Variants in CLVS1 observed in about 807,000 individuals in gnomAD.
The protein encoded by CLVS1 is clavesin-1.
In CLVS1, 10 loss-of-function variants were observed where a neutral mutation model predicts 33.1. The observed-to-expected ratio is 0.30, with a 90% CI of 0.19 to 0.51. The LOEUF (loss-of-function observed/expected upper bound fraction) is 0.51, where lower values mean the gene tolerates loss of function less well. Ranked by LOEUF, CLVS1 falls within the 20% of genes least tolerant of loss-of-function variation. The pLI, the probability that CLVS1 is intolerant of heterozygous loss-of-function variation, is 0.97. For missense variants in CLVS1, 343 were observed against 433.4 expected, an observed-to-expected ratio of 0.79 and a Z score of 1.85; for synonymous variants, 163 against 166.1, an observed-to-expected ratio of 0.98 and a Z score of 0.14.
chr8:61,116,317 G>T (rs1274663038), intron 1 of CLVS1, among the ~76,000 whole-genome samples: 2 of 151,974 alleles, frequency 1.3e-5, no homozygotes, highest in Non-Finnish European at 2.9e-5. Flanking sequence ...TCTCCCATTT[G>T]GTTGCCTGTT....
At chr8:61,046,628 A>G in the CLVS1 span, among the ~76,000 whole-genome samples, 37 of 151,700 alleles carry the variant, frequency 2.4e-4, no homozygotes, top group East Asian at 1.7e-3. Context: ...TGAGCATGGA[A>G]TGTTCTTCCA....
chr8:61,268,224 A>T (rs1809353901), intron 2 of CLVS1, among the ~76,000 whole-genome samples: 2 of 135,270 alleles, frequency 1.5e-5, no homozygotes, highest in Non-Finnish European at 1.5e-5. Flanking sequence ...TGTCCATGTG[A>T]TCTCATTGTT....
chr8:61,180,678 G>C (rs910311225), intron 2 of CLVS1, among the ~76,000 whole-genome samples: 16 of 152,276 alleles, frequency 1.1e-4, no homozygotes, highest in African/African-American at 3.8e-4. Context: ...CGCAAGTCTG[G>C]TTCAACATAT....
chr8:61,008,008 T>C, the CLVS1 span, among the ~76,000 whole-genome samples: 1 of 152,154 alleles, frequency 6.6e-6, no homozygotes, highest in Non-Finnish European at 1.5e-5. Flanking sequence ...GCACAGGGAC[T>C]CCTGCCCAGG....
At chr8:61,267,318 A>T (rs1329386582) in intron 2 of CLVS1, among the ~76,000 whole-genome samples, 1 of 152,096 alleles carries the variant, frequency 6.6e-6, no homozygotes. Context: ...TGTATTTATA[A>T]TTTTATAAAT....
chr8:61,423,336 G>A (rs560705386), intron 3 of CLVS1, among the ~76,000 whole-genome samples: 5 of 152,100 alleles, frequency 3.3e-5, no homozygotes, highest in Non-Finnish European at 4.4e-5. Context: ...CTTAAGCCAG[G>A]CCATGTAGAG....
At chr8:61,435,657 A>G (rs1332705201) in intron 3 of CLVS1, among the ~76,000 whole-genome samples, 1 of 151,892 alleles carries the variant, frequency 6.6e-6, no homozygotes, top group African/African-American at 2.4e-5. Flanking sequence ...TCACATATGT[A>G]TGTACTTTCT....
chr8:61,441,644 A>G (rs1240661933), intron 3 of CLVS1, among the ~76,000 whole-genome samples: 2 of 152,220 alleles, frequency 1.3e-5, no homozygotes, highest in African/African-American at 4.8e-5. Context: ...TTCATTATCC[A>G]GCAGAAACTG....
At chr8:61,273,053 G>A (rs1809479916) in intron 2 of CLVS1, among the ~76,000 whole-genome samples, 1 of 151,020 alleles carries the variant, frequency 6.6e-6, no homozygotes, top group African/African-American at 2.5e-5. Context: ...GCGTTCCTTT[G>A]GAGCAGAGGC....
the CLVS1 span, among the ~76,000 whole-genome samples, chr8:61,019,369 T>C: frequency 6.6e-6 from 1 of 152,192 alleles, no homozygotes; most frequent in Admixed American, 6.5e-5. Context: ...AAACTGATCC[T>C]CCTGGCCTGG....
chr8:61,101,141 C>T (rs1805442110), intron 1 of CLVS1, among the ~76,000 whole-genome samples: 1 of 152,104 alleles, frequency 6.6e-6, no homozygotes, highest in South Asian at 2.1e-4. Flanking sequence ...TTTAAATATA[C>T]ATTTAAACAT....
At chr8:61,160,106 G>A (rs1388248121) in intron 2 of CLVS1, among the ~76,000 whole-genome samples, 1 of 152,222 alleles carries the variant, frequency 6.6e-6, no homozygotes, top group Non-Finnish European at 1.5e-5. Context: ...GAGCTTCTCT[G>A]CTGAAGAAAC....
intron 2 of CLVS1, among the ~76,000 whole-genome samples, chr8:61,281,274 A>T (rs1457578895): frequency 6.6e-6 from 1 of 152,114 alleles, no homozygotes; most frequent in Non-Finnish European, 1.5e-5. Flanking sequence ...TGGGGGTATT[A>T]TGGACTTAAT....
intron 5 of CLVS1, among the ~76,000 whole-genome samples, chr8:61,470,609 C>T (rs1817699894): frequency 6.6e-6 from 1 of 152,150 alleles, no homozygotes; most frequent in Non-Finnish European, 1.5e-5. Context: ...CTGCCCAATT[C>T]CAATTAAGCT....
chr8:61,439,807 G>GT (rs543144450), intron 3 of CLVS1, among the ~76,000 whole-genome samples: 277 of 151,928 alleles, frequency 1.8e-3, no homozygotes, highest in Admixed American at 3.2e-3. Context: ...TCTTTTGTGT[G>GT]TTTTTTTAAT....
chr8:61,091,111 A>G (rs560615411), intron 1 of CLVS1, among the ~76,000 whole-genome samples: 1 of 152,344 alleles, frequency 6.6e-6, no homozygotes, highest in South Asian at 2.1e-4. Flanking sequence ...AGCCTGGGTT[A>G]TCGAGGTGGG....
chr8:61,036,215 G>C, the CLVS1 span, among the ~76,000 whole-genome samples: 1 of 152,246 alleles, frequency 6.6e-6, no homozygotes, highest in African/African-American at 2.4e-5. Context: ...ACCAAGGAAA[G>C]AGAAAGAATA....
intron 2 of CLVS1, among the ~76,000 whole-genome samples, chr8:61,235,910 G>C (rs572131865): frequency 6.6e-6 from 1 of 152,200 alleles, no homozygotes; most frequent in African/African-American, 2.4e-5. Flanking sequence ...CTGTGGACAA[G>C]AGCAGTGTAA....
At chr8:61,224,141 T>C (rs1808280110) in intron 2 of CLVS1, among the ~76,000 whole-genome samples, 1 of 152,150 alleles carries the variant, frequency 6.6e-6, no homozygotes, top group Non-Finnish European at 1.5e-5. Flanking sequence ...TAGATTTTTA[T>C]TAACCATCTT....
Sources: gnomAD v4.1 joint callset for allele counts (sites outside exome capture counted in the v4.1 genomes callset) on GRCh38, gnomAD v4.1.1 for gene constraint, MANE v1.5 for transcripts, NCBI Gene and HGNC (gene_info 2026-07-23, HGNC 2026-07-21) for gene names.